BCL2: variants seen among roughly 807,000 people sequenced by gnomAD.
The protein encoded by BCL2 is apoptosis regulator Bcl-2.
Under a neutral mutation model 14.2 loss-of-function variants are expected in BCL2, and 1 was observed. The observed-to-expected ratio is 0.07, with a 90% confidence interval of 0.02 to 0.33. The LOEUF is 0.33. BCL2 is among the 10% of genes least tolerant of loss of function. The probability of loss-of-function intolerance (pLI) is 0.99; values close to 1 mark genes in which losing one functional copy is unlikely to be tolerated. For synonymous variants in BCL2, 151 were observed against 137.2 expected (o/e 1.10, Z -0.70); for missense variants, 247 against 305.9 (o/e 0.81, Z 1.44).
At position 63,125,100 on chromosome 18, in the gene BCL2, T is replaced by C. The variant is rs1008852402; in HGVS notation, c.*3525A>G. ...GATTATTTACATTTAATCTTGATTA[T>C]TATAACTCCTCTCGATTTATAATCA... On this transcript the variant is annotated 3_prime_UTR_variant, in exon 3 of 3. Transcript: ENST00000333681. The C allele has an allele frequency of 4.5e-6, 1 of 221,264 alleles. No individual in the cohort carries two copies. The highest frequency in any genetic ancestry group is 2.2e-5 in the African/African-American group (1 of 44,658). 13.7% of individuals were successfully genotyped at this position (221,264 alleles called of 1,614,324 possible).
rs201183198 is a variant in BCL2 at position 63,145,734 on chromosome 18, A to C, written c.586-16975T>G. Among the ~76,000 whole-genome samples, 21 of 152,354 alleles carry C rather than the reference A, an allele frequency of 1.4e-4. No individual in the cohort carries two copies. The East Asian group carries it at 4.0e-3, about 29-fold the overall frequency. On this transcript the variant is annotated intron_variant, in intron 2 of 2. Transcript: ENST00000333681. ...AAACACTTTCTTTCAGCATTTTGGC[A>C]GTTGCATGCTGAGAGGGAATGTGTT...
intron 2 of BCL2, chr18:63,151,001 C>T (rs966964152): frequency 6.6e-6 from 1 of 151,998 alleles, no homozygotes; most frequent in East Asian, 1.9e-4. Flanking sequence ...TCTCTTTGTA[C>T]CTTCAGCAAA....
chr18:63,274,907 G>A (rs1912111937), intron 2 of BCL2, among the ~76,000 whole-genome samples: 2 of 152,158 alleles, frequency 1.3e-5, no homozygotes, highest in African/African-American at 4.8e-5. Context: ...ACACGCTGTA[G>A]AGTATAGTGC....
At chr18:63,272,595 G>A (rs1037689929) in intron 2 of BCL2, among the ~76,000 whole-genome samples, 1 of 152,086 alleles carries the variant, frequency 6.6e-6, no homozygotes, top group South Asian at 2.1e-4. Flanking sequence ...TGGCCAATCA[G>A]GTTATCTTTA....
At chr18:63,198,655 GACACAC>G (rs1311257331) in intron 2 of BCL2, among the ~76,000 whole-genome samples, 3 of 125,362 alleles carry the variant, frequency 2.4e-5, no homozygotes, top group African/African-American at 9.6e-5. Context: ...GACATACACA[GACACAC>G]ACAGACACAA....
chr18:63,269,873 T>C (rs1202852862), intron 2 of BCL2, among the ~76,000 whole-genome samples: 1 of 152,214 alleles, frequency 6.6e-6, no homozygotes, highest in Non-Finnish European at 1.5e-5. Flanking sequence ...CACACCAATA[T>C]AGAAATTAGC....
intron 2 of BCL2, among the ~76,000 whole-genome samples, chr18:63,237,330 A>G (rs1910869750): frequency 6.6e-6 from 1 of 152,182 alleles, no homozygotes; most frequent in South Asian, 2.1e-4. Flanking sequence ...GGAAATAAGA[A>G]AGAATTTCCT....
At position 63,273,587 on chromosome 18, in the gene BCL2, T is replaced by C. The variant is rs548116969; in HGVS notation, c.585+44495A>G. On this transcript the variant is annotated intron_variant, in intron 2 of 2. Transcript: ENST00000333681. ...TCGATTGCTAGGTCGGCCGATTAGC[T>C]GTACAACCCTTGGCAGTCTCTTGAA... Among the ~76,000 whole-genome samples, 12 of 152,346 alleles carry C rather than the reference T, an allele frequency of 7.9e-5. 1 individual carries two copies. Among genetic ancestry groups the C allele is most frequent in the Admixed American group, 6.5e-4 (10 of 15,304 alleles).
intron 2 of BCL2, among the ~76,000 whole-genome samples, chr18:63,227,580 A>G (rs553455299): frequency 4.2e-4 from 64 of 152,370 alleles, no homozygotes; most frequent in African/African-American, 1.5e-3. Flanking sequence ...TACATTACAA[A>G]TCAGTGGAAA....
chr18:63,285,423 A>G (rs1014238497), intron 2 of BCL2, among the ~76,000 whole-genome samples: 3 of 152,088 alleles, frequency 2.0e-5, no homozygotes, highest in Non-Finnish European at 4.4e-5. Flanking sequence ...ACGGAAGGGG[A>G]CCTTGTGATG....
At position 63,319,105 on chromosome 18, in the gene BCL2, TTAAG is replaced by T. The variant is rs1913611764; in HGVS notation, c.-287+65_-287+68del. 11 of 1,028,374 alleles carry T rather than the reference TTAAG, an allele frequency of 1.1e-5. No individual in the cohort carries two copies. The South Asian group carries it at 4.2e-4, about 39-fold the overall frequency. The allele number at this position is 1,028,374 out of a possible 1,614,324, so 63.7% of individuals were successfully genotyped here. On this transcript the variant is annotated intron_variant, in intron 1 of 2. Transcript: ENST00000333681. The stretch of plus-strand genomic sequence containing the variant: ...GAAATTAAATTTACTCGAATGCACT[TTAAG>T]TAAAAAATCTCAAAGGTTTCCATTG...
At chr18:63,179,883 C>T (rs763519497) in intron 2 of BCL2, among the ~76,000 whole-genome samples, 1 of 152,158 alleles carries the variant, frequency 6.6e-6, no homozygotes. Flanking sequence ...AACAGATGCT[C>T]GATTTCATTG....
intron 2 of BCL2, among the ~76,000 whole-genome samples, chr18:63,154,316 G>A (rs757404204): frequency 2.0e-5 from 3 of 152,154 alleles, no homozygotes; most frequent in Non-Finnish European, 4.4e-5. Flanking sequence ...CCTAGACAGT[G>A]GCAAGAAGCT....
In BCL2 at chr18:63,127,654, T is replaced by A. The variant is rs1039348390; in HGVS notation, c.*971A>T. On this transcript the variant is annotated 3_prime_UTR_variant, in exon 3 of 3. Transcript: ENST00000333681. ...TGGGACACAGGCAGGTTCTGCGGAC[T>A]TCGGTCTCCTAAAAGCAGGCACTTG... 1 of 229,986 alleles carries A rather than the reference T, an allele frequency of 4.3e-6. No homozygotes were observed. Among genetic ancestry groups the A allele is most frequent in the Non-Finnish European group, 8.6e-6 (1 of 115,998 alleles). 14.2% of individuals were successfully genotyped at this position (229,986 alleles called of 1,614,324 possible). A position where few individuals can be genotyped will look rare whatever the true frequency, so the allele number is the denominator to read the frequency against.
intron 2 of BCL2, among the ~76,000 whole-genome samples, chr18:63,295,456 T>C (rs553238470): frequency 8.5e-5 from 13 of 152,224 alleles, no homozygotes; most frequent in African/African-American, 3.1e-4. Context: ...CTTTATACCA[T>C]CATTGATAGC....
chr18:63,171,571 A>T (rs1280594295), intron 2 of BCL2, among the ~76,000 whole-genome samples: 2 of 152,264 alleles, frequency 1.3e-5, no homozygotes. Flanking sequence ...GTTATAATAG[A>T]GTCTAGTTAA....
intron 2 of BCL2, among the ~76,000 whole-genome samples, chr18:63,265,851 G>A (rs1444720898): frequency 1.3e-5 from 2 of 152,048 alleles, no homozygotes; most frequent in African/African-American, 2.4e-5. Flanking sequence ...GATGCATAAC[G>A]ACTCATAACA....
intron 2 of BCL2, among the ~76,000 whole-genome samples, chr18:63,145,905 A>T (rs1361158289): frequency 6.6e-6 from 1 of 152,188 alleles, no homozygotes; most frequent in South Asian, 2.1e-4. Flanking sequence ...GTAGCTGAAC[A>T]GCGAGGAGTT....
rs145187009 is a variant in BCL2, at chr18:63,167,517, T to C, written c.586-38758A>G. On this transcript the variant is annotated intron_variant, in intron 2 of 2. Transcript: ENST00000333681. ...GACTGGGGCCAGGTGTGATGGCTCA[T>C]GACTATCATCCTAGTGCTTTGGGAG... is the stretch of plus-strand genomic sequence containing the variant. Among the ~76,000 whole-genome samples the C allele has an allele frequency of 9.2e-5, 14 of 152,294 alleles. No individual in the cohort carries two copies. In the East Asian group the frequency reaches 1.9e-3, roughly 21 times the overall value.
Sources: gnomAD v4.1 joint callset for allele counts (sites outside exome capture counted in the v4.1 genomes callset) on GRCh38, gnomAD v4.1.1 for gene constraint, MANE v1.5 for transcripts, NCBI Gene and HGNC (gene_info 2026-07-23, HGNC 2026-07-21) for gene names.